PPP2R5B: variants seen among roughly 807,000 people sequenced by gnomAD.
PPP2R5B encodes the protein protein phosphatase 2 regulatory subunit B'beta.
In PPP2R5B, 19 loss-of-function variants were observed where a neutral mutation model predicts 59.9. The observed-to-expected ratio is 0.32, with a 90% CI of 0.22 to 0.47. The LOEUF is 0.47. Among genes scored for constraint, PPP2R5B ranks in the 20% least tolerant of loss-of-function variants. PPP2R5B has a pLI of 1.00. For synonymous variants in PPP2R5B, 286 were observed against 260.5 expected, an observed-to-expected ratio of 1.10 and a Z score of -0.94; for missense variants, 441 against 640.2, an observed-to-expected ratio of 0.69 and a Z score of 3.36.
chr11:64,928,690 AC>A (rs955336365), intron 6 of PPP2R5B, among the ~76,000 whole-genome samples: 2 of 152,230 alleles, frequency 1.3e-5, no homozygotes, highest in Admixed American at 6.5e-5. Context: ...GACAAGAATT[AC>A]TTGAACCCAG....
At position 64,931,859 on chromosome 11, in the gene PPP2R5B, C is replaced by G. The variant is rs1335275699; in HGVS notation, c.1107C>G (p.Pro369=). The G allele has an allele frequency of 7.4e-6, 12 of 1,613,982 alleles. No individual in the cohort carries two copies. The highest frequency in any genetic ancestry group is 1.0e-5 in the Non-Finnish European group (12 of 1,180,018). Residue 369 remains proline (P), a synonymous_variant, in exon 11 of 14, where the codon CCC becomes CCG. Coordinates refer to ENST00000164133, the MANE Select transcript of PPP2R5B (RefSeq NM_006244.4). This position sits in a 1 kb window ranked among gnomAD's most constrained non-coding sequence, Gnocchi z 5.0. The stretch of plus-strand genomic sequence containing the variant: ...AGGTGGCTCGCTGTGTTTCCAGCCC[C>G]CATTTCCAGGTATGAGGCAGGACAG... ...FKQVARCVSS[P]HFQVAERALY...
At position 64,925,770 on chromosome 11, in the gene PPP2R5B, T is replaced by G; in HGVS notation, c.36T>G (p.Thr12=). 1.1e-5 allele frequency: 12 copies of G among 1,140,090 alleles called. No individual in the cohort carries two copies. Among genetic ancestry groups the G allele is most frequent in the South Asian group, 1.4e-5 (1 of 70,278 alleles). 70.6% of individuals were successfully genotyped at this position (1,140,090 alleles called of 1,614,324 possible). ...AGCTGCCCCCTGCAAGCACCCCCAC[T>G]AGCCCCTCCTCCCCCGGGCTGTCGC... The part of the protein sequence containing the change: ...ETKLPPASTP[T]SPSSPGLSPV... The change falls in exon 2 of 14, where the codon ACT becomes ACG. Residue 12 remains threonine (T), a synonymous_variant. Coordinates refer to ENST00000164133, the MANE Select transcript of PPP2R5B (RefSeq NM_006244.4). The surrounding 1 kb of genome is among the most constrained non-coding windows in gnomAD (Gnocchi z 4.6).
At chr11:64,918,823 C>T (rs1055790679) in intron 1 of PPP2R5B, among the ~76,000 whole-genome samples, 4 of 152,172 alleles carry the variant, frequency 2.6e-5, no homozygotes, top group Non-Finnish European at 5.9e-5. Flanking sequence ...GGGAGCTGGA[C>T]TCTTACATTC....
chr11:64,927,532 G>A (rs545848782), intron 3 of PPP2R5B, among the ~76,000 whole-genome samples: 80 of 152,236 alleles, frequency 5.3e-4, no homozygotes, highest in African/African-American at 1.9e-3. Flanking sequence ...CAGTGAGACC[G>A]CATCACTACA....
upstream of PPP2R5B, among the ~76,000 whole-genome samples, chr11:64,921,569 G>A (rs1483035140): frequency 1.3e-5 from 2 of 152,204 alleles, no homozygotes; most frequent in South Asian, 4.1e-4. Flanking sequence ...CGGGGGCTGC[G>A]GCTTTTGACT....
chr11:64,920,636 T>TA (rs1298325593), upstream of PPP2R5B, among the ~76,000 whole-genome samples: 2 of 150,068 alleles, frequency 1.3e-5, no homozygotes, highest in African/African-American at 4.9e-5. Context: ...AGCAGTTATT[T>TA]TTTTTTTTTT....
chr11:64,930,880 A>G (rs1565104577), intron 8 of PPP2R5B, among the ~76,000 whole-genome samples: 2 of 148,048 alleles, frequency 1.4e-5, no homozygotes, highest in Admixed American at 6.8e-5. Flanking sequence ...TTGATACACA[A>G]TTTTTTTTTT....
At position 64,933,135 on chromosome 11, in the gene PPP2R5B, C is replaced by A; in HGVS notation, c.1245-10C>A. 1 of 1,600,104 alleles carries A rather than the reference C, an allele frequency of 6.2e-7. No individual in the cohort carries two copies. The highest frequency in any genetic ancestry group is 8.6e-7 in the Non-Finnish European group (1 of 1,167,680). On this transcript the variant is annotated splice_polypyrimidine_tract_variant and intron_variant, in intron 12 of 13. Coordinates refer to ENST00000164133, the MANE Select transcript of PPP2R5B (RefSeq NM_006244.4). The stretch of plus-strand genomic sequence containing the variant: ...GTTTCATCTCCTCATCCCTCCTTGA[C>A]ACTGCCAAGAACCATCGTATCACTG...
chr11:64,925,921 C>T lies in PPP2R5B; in HGVS notation c.187C>T (p.Pro63Ser). The T allele has an allele frequency of 1.2e-6, 2 of 1,611,562 alleles. No individual in the cohort carries two copies. The highest frequency in any genetic ancestry group is 1.7e-5 in the Admixed American group (1 of 59,966). The change falls in exon 2 of 14, where the codon CCC becomes TCC. Residue 63 changes from proline (P) to serine (S), a missense_variant. By Grantham distance (74) the Pro-to-Ser change is moderately conservative. Coordinates refer to ENST00000164133, the MANE Select transcript of PPP2R5B (RefSeq NM_006244.4). The surrounding 1 kb of genome is among the most constrained non-coding windows in gnomAD (Gnocchi z 4.6). ...CAACCAGCAAGAGCTCACACCGCTG[C>T]CCCTGCTCAAAGGTGAGCTGGCTGC... ...QSNQQELTPL[P>S]LLKDVPASEL... is the part of the protein sequence containing the mutation.
intron 1 of PPP2R5B, among the ~76,000 whole-genome samples, chr11:64,918,953 T>C (rs1945081128): frequency 6.6e-6 from 1 of 152,192 alleles, no homozygotes; most frequent in Non-Finnish European, 1.5e-5. Context: ...TTTTATCCTA[T>C]GTAACTGGGG....
At position 64,926,062 on chromosome 11, in the gene PPP2R5B, C is replaced by T. The variant is rs546135509; in HGVS notation, c.199+129C>T. ...GGATACCCCTCCAGGCTAGGTTCTCCGCCATCAGAACTGACCCCAGCCCTC... is the reference window on the plus strand; with the variant it reads ...GGATACCCCTCCAGGCTAGGTTCTCTGCCATCAGAACTGACCCCAGCCCTC... On this transcript the variant is annotated intron_variant, in intron 2 of 13. Transcript: ENST00000164133. The T allele has an allele frequency of 1.1e-4, 109 of 974,784 alleles. No homozygotes were observed. In the Middle Eastern group the frequency reaches 2.6e-3, roughly 24 times the overall value. 60.4% of individuals were successfully genotyped at this position (974,784 alleles called of 1,614,324 possible).
At position 64,934,424 on chromosome 11, in the gene PPP2R5B, T is replaced by C. The variant is rs141065909; in HGVS notation, c.*580T>C. ...AAGGGGGGGTTCACAGTAATCATGG[T>C]CTACTCCTCTTTCCGTGGCTGGGGG... On this transcript the variant is annotated 3_prime_UTR_variant, in exon 14 of 14. Transcript: ENST00000164133. The C allele has an allele frequency of 1.6e-4, 60 of 386,038 alleles. No individual in the cohort carries two copies. In the East Asian group the frequency reaches 3.5e-3, roughly 22 times the overall value. The allele number at this position is 386,038 out of a possible 1,614,324, so 23.9% of individuals were successfully genotyped here.
chr11:64,926,694 A>G lies in PPP2R5B; in HGVS notation c.200-18A>G, dbSNP rs776179116. On this transcript the variant is annotated intron_variant, in intron 2 of 13. Transcript: ENST00000164133. Reference sequence around the variant, plus strand: ...GGGGGAGCTGGGGCCCAGGCCCAGGATGCCCTCTCCTCCCCAGATGTGCCG... The same window carrying G: ...GGGGGAGCTGGGGCCCAGGCCCAGGGTGCCCTCTCCTCCCCAGATGTGCCG... The G allele has an allele frequency of 1.9e-6, 3 of 1,612,010 alleles. No individual in the cohort carries two copies. The East Asian group carries it at 6.7e-5, about 36-fold the overall frequency.
Position 64,934,201 on chromosome 11 carries a change from C to T in PPP2R5B, c.*357C>T, listed in dbSNP as rs151092418. The T allele has an allele frequency of 9.1e-3, 2,393 of 262,406 alleles. 24 individuals carry two copies. Among genetic ancestry groups the T allele is most frequent in the Admixed American group, 0.015 (301 of 20,240 alleles). The allele number at this position is 262,406 out of a possible 1,614,324, so 16.3% of individuals were successfully genotyped here. The stretch of plus-strand genomic sequence containing the variant: ...AGCGCCTCGCCTGCCCCTGCCTTGG[C>T]CAATGCGAGGTCCTTCCTTATCCCC... On this transcript the variant is annotated 3_prime_UTR_variant, in exon 14 of 14. Transcript: ENST00000164133.
At chr11:64,924,579 T>C (rs1945138193), upstream of PPP2R5B, 1 of 152,204 alleles carries the variant, frequency 6.6e-6, no homozygotes, top group Admixed American at 6.5e-5. Flanking sequence ...GTCTGGCAGC[T>C]CACTTTAAAC....
In PPP2R5B at chr11:64,925,877, C is replaced by T; in HGVS notation, c.143C>T (p.Ser48Phe). 6.2e-7 allele frequency: 1 copy of T among 1,612,096 alleles called. No individual in the cohort carries two copies. The highest frequency in any genetic ancestry group is 8.5e-7 in the Non-Finnish European group (1 of 1,179,900). ...CGGCCCCGCCGCTCCCACAGCTCCT[C>T]TCAGTTCCGCTATCAGAGCAACCAG... ...RARPRRSHSS[S>F]QFRYQSNQQE... The change falls in exon 2 of 14, where the codon TCT (serine) becomes TTT (phenylalanine). Residue 48 changes from serine (S) to phenylalanine (F), a missense_variant. Transcript: ENST00000164133. The surrounding 1 kb of genome is among the most constrained non-coding windows in gnomAD (Gnocchi z 4.6).
chr11:64,933,704 C>A lies in PPP2R5B; in HGVS notation c.1354C>A (p.Gln452Lys). Residue 452 changes from glutamine to lysine, a missense_variant, in exon 14 of 14, where the codon CAG (glutamine) becomes AAG (lysine). By Grantham distance (53) the Gln-to-Lys change is moderately conservative. Transcript: ENST00000164133. Reference protein sequence around the residue: ...SYKLEKQQEQQKAQERQELWQ... With the variant: ...SYKLEKQQEQKKAQERQELWQ... ...CTCACCCTCTCTCCCCAGGGAGCAG[C>A]AGAAGGCCCAGGAGCGTCAGGAGTT... 1 of 1,554,406 alleles carries A rather than the reference C, an allele frequency of 6.4e-7. No individual in the cohort carries two copies. The highest frequency in any genetic ancestry group is 8.7e-7 in the Non-Finnish European group (1 of 1,148,518).
Position 64,926,939 on chromosome 11 carries a change from C to T in PPP2R5B, c.396+31C>T, listed in dbSNP as rs568087483. The T allele has an allele frequency of 5.8e-5, 93 of 1,603,560 alleles. No individual in the cohort carries two copies. In the Admixed American group the frequency reaches 8.2e-4, roughly 14 times the overall value. On this transcript the variant is annotated intron_variant, in intron 3 of 13. Coordinates refer to ENST00000164133, the MANE Select transcript of PPP2R5B (RefSeq NM_006244.4). ...CACCTGCCACCCAGGCTCCGAGGGC[C>T]GGCCGAGAGGGCGTGTGAGCCCCGT...
At chr11:64,930,703 A>G (rs939909507) in intron 8 of PPP2R5B, 114 bp downstream of exon 8, 2 of 878,214 alleles carry the variant, frequency 2.3e-6, no homozygotes, top group African/African-American at 3.4e-5. Flanking sequence ...TGTCTTTATA[A>G]TTCTGTTCCA....
Sources: allele counts gnomAD v4.1 joint callset (sites outside exome capture counted in the v4.1 genomes callset), GRCh38; gene constraint gnomAD v4.1.1; non-coding constraint Gnocchi (gnomAD v3.1); transcripts MANE v1.5; gene names NCBI Gene and HGNC (gene_info 2026-07-23, HGNC 2026-07-21).